MYL3: variants seen among roughly 807,000 people sequenced by gnomAD.
MYL3 encodes CMLC1.
A neutral mutation model predicts 21.3 loss-of-function variants in MYL3; 11 were observed. That is an observed-to-expected ratio of 0.52 (90% CI 0.32 to 0.85). The LOEUF (loss-of-function observed/expected upper bound fraction) is 0.85. Ranked by LOEUF, MYL3 falls within the 40% of genes least tolerant of loss-of-function variation. The probability of loss-of-function intolerance (pLI) is 0.03; values close to 1 mark genes in which losing one functional copy is unlikely to be tolerated. For synonymous variants in MYL3, 88 were observed against 91.6 expected (o/e 0.96, Z 0.22); for missense variants, 206 against 253.3 (o/e 0.81, Z 1.27).
rs761891361 is a variant in MYL3 at position 46,860,742 on chromosome 3, G to T, written c.241C>A (p.Arg81=). ...ITYGQCGDVL[R]ALGQNPTQAE... ...TGTGTGGGGTTCTGGCCCAGCGCCC[G>T]CAGGACATCCCCACACTGCCCGTAG... is the stretch of plus-strand genomic sequence containing the variant. Residue 81 remains arginine (R), a synonymous_variant, in exon 3 of 7, where the codon CGG becomes AGG. Coordinates refer to ENST00000292327, the MANE Select transcript of MYL3 (RefSeq NM_000258.3). The surrounding 1 kb of genome is among the most constrained non-coding windows in gnomAD (Gnocchi z 4.6). The T allele has an allele frequency of 1.5e-5, 24 of 1,614,100 alleles. No individual in the cohort carries two copies. The highest frequency in any genetic ancestry group is 2.0e-5 in the Non-Finnish European group (24 of 1,180,012).
Position 46,859,586 on chromosome 3 carries a change from T to A in MYL3, c.370A>T (p.Asn124Tyr), listed in dbSNP as rs1278498849. ...FLPMLQHISK[N>Y]KDTGTYEDFV... is the part of the protein sequence containing the mutation. ...TCCTCATAGGTGCCTGTGTCCTTGT[T>A]CTTGGAAATGTGCTGGAGCATAGGC... Residue 124 changes from asparagine to tyrosine, a missense_variant, in exon 4 of 7, where the codon AAC becomes TAC. Physicochemically the swap from Asn to Tyr is moderately radical, Grantham distance 143. Coordinates refer to ENST00000292327, the MANE Select transcript of MYL3 (RefSeq NM_000258.3). This position sits in a 1 kb window ranked among gnomAD's most constrained non-coding sequence, Gnocchi z 4.1. The A allele has an allele frequency of 6.2e-7, 1 of 1,614,232 alleles. No individual in the cohort carries two copies. Among genetic ancestry groups the A allele is most frequent in the Non-Finnish European group, 8.5e-7 (1 of 1,180,042 alleles).
intron 1 of MYL3, among the ~76,000 whole-genome samples, chr3:46,881,282 C>T (rs915081337): frequency 6.6e-6 from 1 of 152,158 alleles, no homozygotes; most frequent in African/African-American, 2.4e-5. Flanking sequence ...GGTTTGGGGT[C>T]GAAGGGCCCC....
chr3:46,878,240 G>C (rs2030349358), intron 1 of MYL3, among the ~76,000 whole-genome samples: 1 of 152,244 alleles, frequency 6.6e-6, no homozygotes, highest in South Asian at 2.1e-4. Flanking sequence ...GGGTGTCAGG[G>C]GGTGTTTATG....
chr3:46,868,311 T>A (rs1254092568), upstream of MYL3, among the ~76,000 whole-genome samples: 1 of 152,160 alleles, frequency 6.6e-6, no homozygotes, highest in African/African-American at 2.4e-5. Context: ...TGATTCCAGG[T>A]TCAGAGGACA....
chr3:46,870,079 G>A (rs1702094046), intron 1 of MYL3, among the ~76,000 whole-genome samples: 1 of 152,128 alleles, frequency 6.6e-6, no homozygotes, highest in African/African-American at 2.4e-5. Context: ...AGGGGGGAGA[G>A]AGGGTTGGTA....
chr3:46,871,781 G>A (rs2029922680), intron 1 of MYL3, among the ~76,000 whole-genome samples: 1 of 152,230 alleles, frequency 6.6e-6, no homozygotes, highest in South Asian at 2.1e-4. Context: ...TCTGCTCCAG[G>A]GAGCCTCATG....
At chr3:46,873,891 C>A (rs781708734) in intron 1 of MYL3, among the ~76,000 whole-genome samples, 4 of 152,252 alleles carry the variant, frequency 2.6e-5, no homozygotes, top group Non-Finnish European at 5.9e-5. Context: ...CCTGACCTCA[C>A]TGGGCCAGAC....
At chr3:46,881,487 G>A (rs1286499762) in intron 1 of MYL3, among the ~76,000 whole-genome samples, 2 of 152,284 alleles carry the variant, frequency 1.3e-5, no homozygotes, top group East Asian at 1.9e-4. Flanking sequence ...TGGGTGTCTG[G>A]ATTGAGCCCC....
chr3:46,861,175 C>G lies in MYL3; in HGVS notation c.130-188G>C, dbSNP rs1323427082. Among the ~76,000 whole-genome samples the G allele has an allele frequency of 6.6e-6, 1 of 152,204 alleles. No homozygotes were observed. Among genetic ancestry groups the G allele is most frequent in the East Asian group, 1.9e-4 (1 of 5,180 alleles). ...CTCCTGCCTCCTTGCCCCCCTCCACCTCTCCAGCCAGAAGGCCTTGAGGCT... is the reference window on the plus strand; with the variant it reads ...CTCCTGCCTCCTTGCCCCCCTCCACGTCTCCAGCCAGAAGGCCTTGAGGCT... On this transcript the variant is annotated intron_variant, in intron 1 of 6. Transcript: ENST00000292327. The surrounding 1 kb of genome is among the most constrained non-coding windows in gnomAD (Gnocchi z 4.2).
chr3:46,874,201 C>T lies in MYL3; in HGVS notation c.-217-7601G>A, dbSNP rs1012315921. On this transcript the variant is annotated intron_variant, in intron 1 of 3. Transcript: ENST00000431168. This position sits in a 1 kb window ranked among gnomAD's most constrained non-coding sequence, Gnocchi z 4.1. ...CTCCAGCCAGTTCAGCCAATGTCCA[C>T]GGTGCCTCTGGGCCAGGCTTGGTGC... Among the ~76,000 whole-genome samples, 2 of 152,224 alleles carry T rather than the reference C, an allele frequency of 1.3e-5. No homozygotes were observed. The highest frequency in any genetic ancestry group is 2.9e-5 in the Non-Finnish European group (2 of 68,046).
intron 1 of MYL3, among the ~76,000 whole-genome samples, chr3:46,871,132 G>A (rs180693845): frequency 1.1e-3 from 174 of 152,240 alleles, no homozygotes; most frequent in African/African-American, 3.9e-3. Flanking sequence ...TTTAGCTCAC[G>A]GGTATAGAAA....
intron 1 of MYL3, among the ~76,000 whole-genome samples, chr3:46,872,082 C>T (rs1159212455): frequency 6.6e-6 from 1 of 152,194 alleles, no homozygotes; most frequent in Non-Finnish European, 1.5e-5. Flanking sequence ...AAGGTGGGCT[C>T]AGCAGGTGCA....
chr3:46,860,592 T>A lies in MYL3; in HGVS notation c.307+84A>T. 1 of 1,575,636 alleles carries A rather than the reference T, an allele frequency of 6.3e-7. No individual in the cohort carries two copies. Among genetic ancestry groups the A allele is most frequent in the Non-Finnish European group, 8.6e-7 (1 of 1,161,634 alleles). ...TGCGAGATGTCAGGAAAGATTCTCG[T>A]GCTATCCCGCAGGATGGATGGCAGC... On this transcript the variant is annotated intron_variant, in intron 3 of 6. Coordinates refer to ENST00000292327, the MANE Select transcript of MYL3 (RefSeq NM_000258.3). The surrounding 1 kb of genome is among the most constrained non-coding windows in gnomAD (Gnocchi z 4.6).
chr3:46,872,317 G>A (rs112080042), intron 1 of MYL3, among the ~76,000 whole-genome samples: 2 of 152,316 alleles, frequency 1.3e-5, no homozygotes, highest in African/African-American at 4.8e-5. Flanking sequence ...CGCCCCGAGG[G>A]AGCCCTGCCT....
chr3:46,876,843 CA>C (rs764197972), intron 1 of MYL3, among the ~76,000 whole-genome samples: 3 of 152,188 alleles, frequency 2.0e-5, no homozygotes, highest in East Asian at 1.9e-4. Flanking sequence ...AGACTGGGCT[CA>C]GGCAGAAGGG....
intron 1 of MYL3, among the ~76,000 whole-genome samples, chr3:46,872,823 G>T (rs747347005): frequency 6.6e-6 from 1 of 152,216 alleles, no homozygotes; most frequent in African/African-American, 2.4e-5. Context: ...ATCTCATAAC[G>T]TTTCCTGGAG....
At chr3:46,875,655 T>C (rs767209373) in intron 1 of MYL3, among the ~76,000 whole-genome samples, 5 of 152,198 alleles carry the variant, frequency 3.3e-5, no homozygotes, top group African/African-American at 7.2e-5. Context: ...GCAAGAACTG[T>C]TACGACGCTG....
chr3:46,864,677 C>A (rs890165187), upstream of MYL3, among the ~76,000 whole-genome samples: 4 of 152,178 alleles, frequency 2.6e-5, no homozygotes, highest in Non-Finnish European at 4.4e-5. This position sits in a 1 kb window ranked among gnomAD's most constrained non-coding sequence, Gnocchi z 4.7. Context: ...TGAGGAACCC[C>A]AAGCTGCCAA....
At chr3:46,862,650 T>C (rs1702005070) in intron 1 of MYL3, among the ~76,000 whole-genome samples, 1 of 152,032 alleles carries the variant, frequency 6.6e-6, no homozygotes, top group Non-Finnish European at 1.5e-5. Flanking sequence ...ACTTTGCAGT[T>C]GGGGAAGGGC....
Sources: gnomAD v4.1 joint callset for allele counts (sites outside exome capture counted in the v4.1 genomes callset) on GRCh38, gnomAD v4.1.1 for gene constraint, Gnocchi (gnomAD v3.1) non-coding constraint, MANE v1.5 for transcripts, NCBI Gene and HGNC (gene_info 2026-07-23, HGNC 2026-07-21) for gene names.